Variants in ELMO2 observed in about 807,000 individuals in gnomAD.
ELMO2 encodes the protein engulfment and cell motility protein 2.
ELMO2 carries 37 observed loss-of-function variants against 96.2 expected under a neutral mutation model. The ratio of observed to expected loss-of-function variants is 0.38; its 90% CI spans 0.30 to 0.51. The LOEUF (loss-of-function observed/expected upper bound fraction) is 0.51, where lower values mean the gene tolerates loss of function less well. Ranked by LOEUF, ELMO2 falls within the 20% of genes least tolerant of loss-of-function variation. The pLI, the probability that ELMO2 is intolerant of heterozygous loss-of-function variation, is 0.88. For missense variants in ELMO2, 561 were observed against 912.6 expected, an observed-to-expected ratio of 0.61 and a Z score of 4.96; for synonymous variants, 315 against 329.4, an observed-to-expected ratio of 0.96 and a Z score of 0.47.
rs538718988 is a variant in ELMO2, at chr20:46,372,445, A to G, written c.1417-476T>C. Among the ~76,000 whole-genome samples, 37 of 152,338 alleles carry G rather than the reference A, an allele frequency of 2.4e-4. 3 individuals are homozygous for G. In the South Asian group the frequency reaches 7.5e-3, roughly 31 times the overall value. ...CAGGAGTTTGAGACCAGCCTGGCCA[A>G]CATGGTGAAACCCCGTCTCTACTAA... On this transcript the variant is annotated intron_variant, in intron 16 of 21. Transcript: ENST00000290246.
At chr20:46,381,558 T>C (rs2059956568) in intron 10 of ELMO2, among the ~76,000 whole-genome samples, 1 of 152,218 alleles carries the variant, frequency 6.6e-6, no homozygotes, top group Non-Finnish European at 1.5e-5. Context: ...GACAGTGGCC[T>C]AGAAACTTCT....
At chr20:46,401,642 G>A (rs1411315701) in intron 1 of ELMO2, among the ~76,000 whole-genome samples, 1 of 152,122 alleles carries the variant, frequency 6.6e-6, no homozygotes, top group Non-Finnish European at 1.5e-5. Context: ...GCTCTGTGGT[G>A]GAACTGGCTT....
rs1212005445 is a variant in ELMO2 at position 46,373,506 on chromosome 20, T to A, written c.1309A>T (p.Met437Leu). The A allele has an allele frequency of 1.2e-6, 2 of 1,614,016 alleles. No homozygotes were observed. Among genetic ancestry groups the A allele is most frequent in the Admixed American group, 3.3e-5 (2 of 60,000 alleles). The change falls in exon 16 of 22, where the codon ATG becomes TTG. Residue 437 changes from methionine (M) to leucine (L), a missense_variant. Coordinates refer to ENST00000290246, the MANE Select transcript of ELMO2 (RefSeq NM_133171.5). ...AAGGCTCGGTCATGGGTAAAGAACATCGGGTGGTAGTCATTGCGTCCTTCA... is the reference window on the plus strand; with the variant it reads ...AAGGCTCGGTCATGGGTAAAGAACAACGGGTGGTAGTCATTGCGTCCTTCA... ...PNEGRNDYHP[M>L]FFTHDRAFEE...
At chr20:46,392,010 TTTAC>T (rs1261783672) in intron 6 of ELMO2, among the ~76,000 whole-genome samples, 1 of 152,232 alleles carries the variant, frequency 6.6e-6, no homozygotes, top group Non-Finnish European at 1.5e-5. Context: ...TTACCTTTCT[TTTAC>T]TTGACCACTT....
intron 1 of ELMO2, among the ~76,000 whole-genome samples, chr20:46,399,137 G>T (rs1439005749): frequency 6.6e-6 from 1 of 152,296 alleles, no homozygotes; most frequent in East Asian, 1.9e-4. Context: ...GGTGTTGCTG[G>T]AAAGCCATGA....
At chr20:46,368,384 A>G (rs113788196) in intron 21 of ELMO2, among the ~76,000 whole-genome samples, 1 of 152,236 alleles carries the variant, frequency 6.6e-6, no homozygotes, top group African/African-American at 2.4e-5. Flanking sequence ...TCTGGCTTCA[A>G]AGTCCACACT....
At chr20:46,387,499 G>T in intron 7 of ELMO2, 62 bp from the exon 8 acceptor site, 1 of 1,350,604 alleles carries the variant, frequency 7.4e-7, no homozygotes, top group Non-Finnish European at 1.1e-6. Flanking sequence ...ACACAGGTGT[G>T]AGGGCAGCCA....
intron 15 of ELMO2, 46 bp downstream of exon 15, chr20:46,374,286 T>C (rs2059805418): frequency 2.0e-6 from 3 of 1,519,572 alleles, no homozygotes; most frequent in African/African-American, 2.8e-5. Context: ...CACTGAGCTC[T>C]TGATGACAAG....
At chr20:46,404,045 T>C (rs999231411) in intron 1 of ELMO2, among the ~76,000 whole-genome samples, 27 of 152,178 alleles carry the variant, frequency 1.8e-4, no homozygotes, top group African/African-American at 4.3e-4. Context: ...GATGGCACCA[T>C]TGCACTCCAG....
chr20:46,399,773 C>T, intron 1 of ELMO2, among the ~76,000 whole-genome samples: 1 of 152,198 alleles, frequency 6.6e-6, no homozygotes, highest in East Asian at 1.9e-4. Flanking sequence ...ACCAGGCTGG[C>T]TCCAAACAGA....
At chr20:46,392,715 G>A (rs147727138) in intron 6 of ELMO2, among the ~76,000 whole-genome samples, 1 of 152,296 alleles carries the variant, frequency 6.6e-6, no homozygotes, top group African/African-American at 2.4e-5. Flanking sequence ...TGATTTCTCT[G>A]ACTGGAATAC....
intron 4 of ELMO2, 52 bp downstream of exon 4, chr20:46,393,997 G>A (rs2060202351): frequency 6.2e-7 from 1 of 1,612,334 alleles, no homozygotes; most frequent in Non-Finnish European, 8.5e-7. Context: ...GTGTAGGAGT[G>A]CTCTTTCAGT....
rs2059639028 is a variant in ELMO2 at position 46,368,929 on chromosome 20, C to G, written c.1924G>C (p.Asp642His). The G allele has an allele frequency of 6.2e-7, 1 of 1,614,088 alleles. No individual in the cohort carries two copies. The highest frequency in any genetic ancestry group is 1.1e-5 in the South Asian group (1 of 91,090). Reference protein sequence around the residue: ...ELAFSILYDPDETLNFIAPNK... With the variant: ...ELAFSILYDPHETLNFIAPNK... ...GGTGCGATGAAGTTTAAGGTCTCAT[C>G]AGGGTCATACAGGATGGAGAAGGCC... Residue 642 changes from aspartate (D) to histidine (H), a missense_variant, in exon 21 of 22, where the codon GAT becomes CAT. Physicochemically the swap from Asp to His is moderately conservative, Grantham distance 81. Transcript: ENST00000290246.
At chr20:46,381,866 G>C (rs1189783182) in intron 10 of ELMO2, among the ~76,000 whole-genome samples, 5 of 152,196 alleles carry the variant, frequency 3.3e-5, no homozygotes, top group African/African-American at 1.2e-4. Flanking sequence ...TTCCACTAAA[G>C]CAAGTAAGAA....
chr20:46,379,310 A>C (rs899264829), intron 11 of ELMO2, among the ~76,000 whole-genome samples: 7 of 151,764 alleles, frequency 4.6e-5, no homozygotes, highest in African/African-American at 1.5e-4. Flanking sequence ...GCCTCCTTTT[A>C]ATTCAGATCC....
chr20:46,371,252 A>AGTT lies in ELMO2; in HGVS notation c.1801+99_1801+100insAAC. 1.7e-6 allele frequency: 2 copies of AGTT among 1,178,896 alleles called. No homozygotes were observed. The highest frequency in any genetic ancestry group is 2.5e-6 in the Non-Finnish European group (2 of 809,500). The allele number at this position is 1,178,896 out of a possible 1,614,324, so 73.0% of individuals were successfully genotyped here. ...AAGGAAACAGGTCCAGAGAGGTAAC[A>AGTT]GGTACAAGCCCAGATGATCAGCTAC... On this transcript the variant is annotated intron_variant, in intron 19 of 21. Coordinates refer to ENST00000290246, the MANE Select transcript of ELMO2 (RefSeq NM_133171.5). The surrounding 1 kb of genome is among the most constrained non-coding windows in gnomAD (Gnocchi z 5.9).
chr20:46,397,563 G>A (rs1276108943), intron 2 of ELMO2, among the ~76,000 whole-genome samples: 1 of 152,114 alleles, frequency 6.6e-6, no homozygotes, highest in Non-Finnish European at 1.5e-5. Flanking sequence ...CCAACTACTC[G>A]GGAGACTGAG....
chr20:46,368,845 G>T, intron 21 of ELMO2, 46 bp downstream of exon 21: 1 of 1,603,066 alleles, frequency 6.2e-7, no homozygotes, highest in Non-Finnish European at 8.5e-7. Context: ...CAACTGAAGA[G>T]TTACAGAAAT....
At chr20:46,372,037 C>T in intron 16 of ELMO2, 68 bp from the exon 17 acceptor site, 1 of 1,592,782 alleles carries the variant, frequency 6.3e-7, no homozygotes, top group Non-Finnish European at 8.6e-7. Context: ...TATTATGGAG[C>T]ACCAAGGCTC....
Sources: gnomAD v4.1 joint callset for allele counts (sites outside exome capture counted in the v4.1 genomes callset) on GRCh38, gnomAD v4.1.1 for gene constraint, Gnocchi (gnomAD v3.1) non-coding constraint, MANE v1.5 for transcripts, NCBI Gene and HGNC (gene_info 2026-07-23, HGNC 2026-07-21) for gene names.